PUM1: variants seen among roughly 807,000 people sequenced by gnomAD.
The protein encoded by PUM1 is pumilio RNA binding family member 1.
In PUM1, 13 loss-of-function variants were observed where a neutral mutation model predicts 131.8. The ratio of observed to expected loss-of-function variants is 0.10; its 90% CI spans 0.06 to 0.16. The LOEUF (loss-of-function observed/expected upper bound fraction) is 0.16. Among genes scored for constraint, PUM1 ranks in the 10% least tolerant of loss-of-function variants. The pLI is 1.00. For synonymous variants in PUM1, 509 were observed against 556.5 expected (o/e 0.91, Z 1.20); for missense variants, 961 against 1,512.4 (o/e 0.64, Z 6.05).
chr1:30,938,126 A>T (rs1570076724), intron 20 of PUM1, among the ~76,000 whole-genome samples: 1 of 151,994 alleles, frequency 6.6e-6, no homozygotes, highest in African/African-American at 2.4e-5. Flanking sequence ...GCTAGTCTTG[A>T]ACTCTTGGCC....
At chr1:30,982,356 T>C (rs1248856837) in intron 7 of PUM1, among the ~76,000 whole-genome samples, 3 of 152,216 alleles carry the variant, frequency 2.0e-5, no homozygotes, top group Non-Finnish European at 4.4e-5. Context: ...AATCCTGCCC[T>C]GATGGAGATT....
At chr1:30,960,213 G>T (rs892240387) in intron 14 of PUM1, among the ~76,000 whole-genome samples, 1 of 152,176 alleles carries the variant, frequency 6.6e-6, no homozygotes, top group African/African-American at 2.4e-5. Flanking sequence ...TTCAGATTTT[G>T]GAATACGTGA....
rs1639967523 is a variant in PUM1, at chr1:30,952,330, T to C, written c.2625A>G (p.Pro875=). 1.2e-6 allele frequency: 2 copies of C among 1,613,586 alleles called. No individual in the cohort carries two copies. The highest frequency in any genetic ancestry group is 1.3e-5 in the African/African-American group (1 of 74,924). ...FIQLKLERAT[P]AERQLVFNEI... Reference sequence around the variant, plus strand: ...CATTGAAGACAAGCTGGCGCTCAGCTGGTGTGGCACGCTCCAGTTTCAGCT... The same window carrying C: ...CATTGAAGACAAGCTGGCGCTCAGCCGGTGTGGCACGCTCCAGTTTCAGCT... The change falls in exon 16 of 22, where the codon CCA becomes CCG. Residue 875 remains proline (P), a synonymous_variant. Coordinates refer to ENST00000426105, the MANE Select transcript of PUM1 (RefSeq NM_001020658.2).
At chr1:31,019,433 A>G (rs917622857) in intron 3 of PUM1, among the ~76,000 whole-genome samples, 6 of 152,256 alleles carry the variant, frequency 3.9e-5, no homozygotes, top group African/African-American at 1.4e-4. Flanking sequence ...GACTACCATT[A>G]AACTTCAAAA....
chr1:30,943,349 G>A (rs955185281), intron 18 of PUM1, among the ~76,000 whole-genome samples: 2 of 151,646 alleles, frequency 1.3e-5, no homozygotes, highest in African/African-American at 2.4e-5. Context: ...TGCAACCTCC[G>A]CCTCCCGGGC....
intron 17 of PUM1, among the ~76,000 whole-genome samples, chr1:30,949,924 C>T (rs1570109191): frequency 1.3e-5 from 2 of 152,236 alleles, no homozygotes; most frequent in South Asian, 2.1e-4. Context: ...GTATTGGATA[C>T]CACAGGTTTT....
chr1:30,971,518 C>T (rs992239770), intron 10 of PUM1, among the ~76,000 whole-genome samples: 1 of 152,078 alleles, frequency 6.6e-6, no homozygotes, highest in East Asian at 1.9e-4. Context: ...TCCAACTTGC[C>T]CTAGTTGTAA....
chr1:30,949,865 C>T (rs1639855748), intron 17 of PUM1, among the ~76,000 whole-genome samples: 1 of 151,994 alleles, frequency 6.6e-6, no homozygotes, highest in Admixed American at 6.6e-5. Context: ...AAAAAAAAAC[C>T]ACCTATAAAA....
Position 30,952,978 on chromosome 1 carries a change from AAAAACAAAAC to A in PUM1, c.2592-625_2592-616del, listed in dbSNP as rs370476677. The stretch of plus-strand genomic sequence containing the variant: ...GCGACAGAGCAAGACTCTGTCTCAA[AAAAACAAAAC>A]AAAACAAAACAAAACAAAAAAACAA... On this transcript the variant is annotated intron_variant, in intron 15 of 21. Coordinates refer to ENST00000426105, the MANE Select transcript of PUM1 (RefSeq NM_001020658.2). 5.3e-3 allele frequency among the ~76,000 whole-genome samples: 805 copies of A among 151,426 alleles called. 4 individuals are homozygous for A. The highest frequency in any genetic ancestry group is 0.033 in the East Asian group (166 of 5,088).
At chr1:30,960,717 C>G (rs2124430760) in intron 14 of PUM1, among the ~76,000 whole-genome samples, 1 of 152,112 alleles carries the variant, frequency 6.6e-6, no homozygotes, top group South Asian at 2.1e-4. Flanking sequence ...ACCAAAATTA[C>G]AAAGGAAAAT....
chr1:30,953,660 C>G (rs375869530), intron 15 of PUM1, 54 bp downstream of exon 15: 9 of 1,596,706 alleles, frequency 5.6e-6, no homozygotes, highest in African/African-American at 1.3e-5. Flanking sequence ...TGAGCCAAGA[C>G]AGTTAAGGCA....
intron 3 of PUM1, among the ~76,000 whole-genome samples, chr1:31,028,561 G>T (rs1643303325): frequency 6.6e-6 from 1 of 152,140 alleles, no homozygotes; most frequent in African/African-American, 2.4e-5. Flanking sequence ...AATAATTTGT[G>T]CTCACATTTT....
intron 14 of PUM1, among the ~76,000 whole-genome samples, chr1:30,963,174 A>G (rs1640487223): frequency 6.6e-6 from 1 of 152,210 alleles, no homozygotes; most frequent in African/African-American, 2.4e-5. Context: ...ACCCAAAACC[A>G]TTAACACCAG....
intron 14 of PUM1, among the ~76,000 whole-genome samples, chr1:30,955,359 T>C (rs1422221603): frequency 4.7e-5 from 7 of 148,576 alleles, no homozygotes; most frequent in African/African-American, 1.7e-4. Flanking sequence ...CCCAGCTACT[T>C]GGGAGGCTGA....
Position 30,952,271 on chromosome 1 carries a change from T to C in PUM1, c.2684A>G (p.Asp895Gly). Reference sequence around the variant, plus strand: ...CTGAATGACGTAATTACCAAACACATCCACCATGAGTTGGTAGGCAGCCTG... The same window carrying C: ...CTGAATGACGTAATTACCAAACACACCCACCATGAGTTGGTAGGCAGCCTG... ...ILQAAYQLMV[D>G]VFGNYVIQKF... The change falls in exon 16 of 22, where the codon GAT becomes GGT. Residue 895 changes from aspartate (D) to glycine (G), a missense_variant. This residue lies in a region of PUM1 where 12 missense variants were observed against 60.3 expected (regional missense o/e 0.20). Coordinates refer to ENST00000426105, the MANE Select transcript of PUM1 (RefSeq NM_001020658.2). 1.2e-6 allele frequency: 2 copies of C among 1,614,036 alleles called. No homozygotes were observed. Among genetic ancestry groups the C allele is most frequent in the Non-Finnish European group, 1.7e-6 (2 of 1,179,932 alleles).
chr1:31,024,521 C>T (rs1230896500), intron 3 of PUM1, among the ~76,000 whole-genome samples: 1 of 152,138 alleles, frequency 6.6e-6, no homozygotes, highest in Non-Finnish European at 1.5e-5. Context: ...TTTTTCTATG[C>T]TTCAGCTTTC....
rs902021107 is a variant in PUM1 at position 30,955,159 on chromosome 1, A to G, written c.2324-1178T>C. On this transcript the variant is annotated intron_variant, in intron 14 of 21. Coordinates refer to ENST00000426105, the MANE Select transcript of PUM1 (RefSeq NM_001020658.2). The stretch of plus-strand genomic sequence containing the variant: ...GCATAATAAATTATGAGTATTTTAA[A>G]ATAACAAAATAACAGGCCAGGGACG... 4.6e-5 allele frequency among the ~76,000 whole-genome samples: 7 copies of G among 152,174 alleles called. No individual in the cohort carries two copies. In the South Asian group the frequency reaches 1.5e-3, roughly 32 times the overall value.
chr1:31,028,633 A>C, intron 3 of PUM1, 163 bp downstream of exon 3: 1 of 669,248 alleles, frequency 1.5e-6, no homozygotes, highest in Non-Finnish European at 2.7e-6. Flanking sequence ...TTAATGACAT[A>C]GTTTTGGCAA....
At chr1:30,972,673 C>T (rs1383545386) in intron 10 of PUM1, among the ~76,000 whole-genome samples, 2 of 151,152 alleles carry the variant, frequency 1.3e-5, no homozygotes, top group Non-Finnish European at 2.9e-5. Context: ...ACTCAGGAGG[C>T]TGAGGCAGAA....
Sources: gnomAD v4.1 joint callset for allele counts (sites outside exome capture counted in the v4.1 genomes callset) on GRCh38, gnomAD v4.1.1 for gene constraint, gnomAD v4.1.1 regional missense constraint, MANE v1.5 for transcripts, NCBI Gene and HGNC (gene_info 2026-07-23, HGNC 2026-07-21) for gene names.